Variants in BMP8A observed in about 807,000 individuals in gnomAD.
The protein encoded by BMP8A is bone morphogenetic protein 8a.
Under a neutral mutation model 36.8 loss-of-function variants are expected in BMP8A, and 14 were observed. That is an observed-to-expected ratio of 0.38 (90% CI 0.25 to 0.60). The LOEUF is 0.60. Among genes scored for constraint, BMP8A ranks in the 20% least tolerant of loss-of-function variants. The pLI is 0.63. For synonymous variants in BMP8A, 120 were observed against 237.7 expected (o/e 0.50, Z 4.55); for missense variants, 267 against 551.1 (o/e 0.48, Z 5.16).
rs1206492472 is a variant in BMP8A, at chr1:39,515,802, A to T, written c.673+3898A>T. On this transcript the variant is annotated intron_variant, in intron 3 of 6. Transcript: ENST00000331593. ...CGCTTAACGATCCGGAAAGAGGAAG[A>T]TGGAGACGCTGGAAAGGAAGAGGAC... 19 of 1,591,052 alleles carry T rather than the reference A, an allele frequency of 1.2e-5. No individual in the cohort carries two copies. In the Admixed American group the frequency reaches 1.7e-4, roughly 14 times the overall value.
At chr1:39,494,175 C>T (rs1645185069) in intron 1 of BMP8A, among the ~76,000 whole-genome samples, 1 of 152,206 alleles carries the variant, frequency 6.6e-6, no homozygotes, top group African/African-American at 2.4e-5. Context: ...GTGGCCCAGC[C>T]TTAGTGTGGA....
chr1:39,497,277 G>A (rs184717619), intron 1 of BMP8A, among the ~76,000 whole-genome samples: 5 of 152,272 alleles, frequency 3.3e-5, no homozygotes, highest in Admixed American at 1.3e-4. Context: ...GGAGCTGTGC[G>A]ATGTTGAGCA....
chr1:39,501,139 C>A (rs953968289), intron 1 of BMP8A, among the ~76,000 whole-genome samples: 1 of 152,148 alleles, frequency 6.6e-6, no homozygotes, highest in African/African-American at 2.4e-5. Context: ...CAGCCTCCCC[C>A]ATCTAGGGAA....
At chr1:39,502,011 G>T (rs12402990) in intron 1 of BMP8A, among the ~76,000 whole-genome samples, 1 of 151,714 alleles carries the variant, frequency 6.6e-6, no homozygotes, top group Non-Finnish European at 1.5e-5. Flanking sequence ...AGGCCAAGGC[G>T]GGTGGATCAT....
At chr1:39,511,559 C>CT (rs1645355820) in intron 2 of BMP8A, among the ~76,000 whole-genome samples, 196 bp downstream of exon 2, 1 of 148,694 alleles carries the variant, frequency 6.7e-6, no homozygotes, top group African/African-American at 2.4e-5. Flanking sequence ...GCCATCCTGG[C>CT]TGTGGGGACT....
At chr1:39,493,308 C>T (rs1272321343) in intron 1 of BMP8A, among the ~76,000 whole-genome samples, 2 of 152,264 alleles carry the variant, frequency 1.3e-5, no homozygotes, top group Admixed American at 6.5e-5. Context: ...ACCCTGATAA[C>T]AGCCACGGTC....
intron 1 of BMP8A, among the ~76,000 whole-genome samples, chr1:39,502,027 C>G (rs1570281175): frequency 6.6e-6 from 1 of 151,776 alleles, no homozygotes; most frequent in Admixed American, 6.6e-5. Context: ...ATCATGAGGT[C>G]GGGAGTTCAA....
At chr1:39,498,445 G>A (rs879302979) in intron 1 of BMP8A, among the ~76,000 whole-genome samples, 4 of 152,248 alleles carry the variant, frequency 2.6e-5, no homozygotes, top group Non-Finnish European at 5.9e-5. Context: ...TGATGTGGAG[G>A]CATGTGTGGG....
chr1:39,513,568 A>AT (rs1221012634), intron 3 of BMP8A, among the ~76,000 whole-genome samples: 26 of 146,618 alleles, frequency 1.8e-4, no homozygotes, highest in Admixed American at 1.4e-3. Flanking sequence ...GAGCCAGTGG[A>AT]TTTTTTTCAA....
chr1:39,496,335 TAGACAGCA>T (rs1432727433), intron 1 of BMP8A, among the ~76,000 whole-genome samples: 1 of 150,030 alleles, frequency 6.7e-6, no homozygotes, highest in Non-Finnish European at 1.5e-5. Flanking sequence ...TCGGGTGTGC[TAGACAGCA>T]ACGCCCCATC....
intron 1 of BMP8A, among the ~76,000 whole-genome samples, chr1:39,495,034 G>A (rs1024082793): frequency 6.7e-6 from 1 of 149,470 alleles, no homozygotes; most frequent in East Asian, 2.0e-4. Flanking sequence ...TGGGTGGGGG[G>A]TGGATAGACA....
chr1:39,499,930 C>A (rs1645239401), intron 1 of BMP8A, among the ~76,000 whole-genome samples: 1 of 152,224 alleles, frequency 6.6e-6, no homozygotes, highest in Non-Finnish European at 1.5e-5. Context: ...CAAGGTCATG[C>A]ACTGTCACAA....
intron 1 of BMP8A, among the ~76,000 whole-genome samples, chr1:39,504,398 T>C (rs1375933138): frequency 6.6e-6 from 1 of 152,106 alleles, no homozygotes; most frequent in African/African-American, 2.4e-5. Flanking sequence ...CAGGAAAACA[T>C]GTGAGCAAAG....
Position 39,527,478 on chromosome 1 carries a change from G to A in BMP8A, c.*1680G>A, listed in dbSNP as rs191028673. On this transcript the variant is annotated 3_prime_UTR_variant, in exon 7 of 7. Coordinates refer to ENST00000331593, the MANE Select transcript of BMP8A (RefSeq NM_181809.4). ...CACCTCCCCATGGGCCCAAGGATGC[G>A]CCTCTCTGGAGTTCACGTGCTGCAC... Among the ~76,000 whole-genome samples, 436 of 152,306 alleles carry A rather than the reference G, an allele frequency of 2.9e-3. No individual in the cohort carries two copies. Among genetic ancestry groups the A allele is most frequent in the Non-Finnish European group, 5.0e-3 (341 of 68,022 alleles).
rs1431675431 is a variant in BMP8A at position 39,524,111 on chromosome 1, G to A, written c.1059+994G>A. ...CTGGGCAGTCAAATGGTGTTTGCTG[G>A]ACACCTGGAGCCATCTCCTTGGAAA... is the stretch of plus-strand genomic sequence containing the variant. On this transcript the variant is annotated intron_variant, in intron 6 of 6. Coordinates refer to ENST00000331593, the MANE Select transcript of BMP8A (RefSeq NM_181809.4). The surrounding 1 kb of genome is among the most constrained non-coding windows in gnomAD (Gnocchi z 4.0). Among the ~76,000 whole-genome samples, 1 of 152,182 alleles carries A rather than the reference G, an allele frequency of 6.6e-6. No homozygotes were observed. The highest frequency in any genetic ancestry group is 1.5e-5 in the Non-Finnish European group (1 of 68,038).
intron 1 of BMP8A, among the ~76,000 whole-genome samples, chr1:39,504,615 C>T (rs576159481): frequency 4.7e-4 from 71 of 152,324 alleles, no homozygotes; most frequent in Non-Finnish European, 9.4e-4. Flanking sequence ...GGGGGCCTGC[C>T]CCTCCACACC....
chr1:39,497,846 G>A (rs962157839), intron 1 of BMP8A, among the ~76,000 whole-genome samples: 5 of 152,208 alleles, frequency 3.3e-5, no homozygotes, highest in Non-Finnish European at 5.9e-5. Context: ...GGGACAGAGT[G>A]GGGCCGGCCC....
chr1:39,509,388 G>A (rs551683634), intron 1 of BMP8A, among the ~76,000 whole-genome samples: 8 of 152,338 alleles, frequency 5.3e-5, no homozygotes, highest in Middle Eastern at 3.4e-3. Context: ...GAGAGCACAC[G>A]TGTGTAGATA....
At chr1:39,515,618 G>A (rs1645389194) in intron 3 of BMP8A, 9 of 1,544,716 alleles carry the variant, frequency 5.8e-6, no homozygotes, top group Non-Finnish European at 6.2e-6. Flanking sequence ...CAGGAAACGT[G>A]GTCTTCAGGA....
Sources: gnomAD v4.1 joint callset for allele counts (sites outside exome capture counted in the v4.1 genomes callset) on GRCh38, gnomAD v4.1.1 for gene constraint, Gnocchi (gnomAD v3.1) non-coding constraint, MANE v1.5 for transcripts, NCBI Gene and HGNC (gene_info 2026-07-23, HGNC 2026-07-21) for gene names.